The following HSD17B12 variants were observed in gnomAD, a reference collection of about 807,000 sequenced individuals.
The protein encoded by HSD17B12 is hydroxysteroid 17-beta dehydrogenase 12, also known as very-long-chain 3-oxoacyl-CoA reductase.
In HSD17B12, 32 loss-of-function variants were observed where a neutral mutation model predicts 39.3. That is an observed-to-expected ratio of 0.81 (90% CI 0.61 to 1.09). The LOEUF is 1.09. Ranked by LOEUF, HSD17B12 falls within the 50% of genes least tolerant of loss-of-function variation. The pLI is 0.00. For missense variants in HSD17B12, 342 were observed against 382.9 expected, an observed-to-expected ratio of 0.89 and a Z score of 0.89; for synonymous variants, 150 against 146.7, an observed-to-expected ratio of 1.02 and a Z score of -0.16.
chr11:43,650,635 G>C, the HSD17B12 span, among the ~76,000 whole-genome samples: 9 of 152,148 alleles, frequency 5.9e-5, no homozygotes, highest in Non-Finnish European at 1.3e-4. Flanking sequence ...TCTAAAGGAG[G>C]AAATGTGAGG....
At chr11:43,632,400 G>A in the HSD17B12 span, among the ~76,000 whole-genome samples, 3 of 152,162 alleles carry the variant, frequency 2.0e-5, no homozygotes, top group East Asian at 5.8e-4. Context: ...TGCACAGGAT[G>A]GCACAGCATG....
At position 43,855,933 on chromosome 11, in the gene HSD17B12, T is replaced by A. The variant is rs928663030; in HGVS notation, c.*685T>A. The A allele has an allele frequency of 4.0e-5, 4 of 99,436 alleles. No homozygotes were observed. Among genetic ancestry groups the A allele is most frequent in the Non-Finnish European group, 6.2e-5 (3 of 48,314 alleles). The allele number at this position is 99,436 out of a possible 1,614,324, so 6.2% of individuals were successfully genotyped here. On this transcript the variant is annotated 3_prime_UTR_variant, in exon 11 of 11. Coordinates refer to ENST00000278353, the MANE Select transcript of HSD17B12 (RefSeq NM_016142.3). ...AAATATCGAAGCTATATGGTATGAT[T>A]TATAAAGATAAATGGGCCAAAGTGT...
At chr11:43,682,685 T>G (rs907610809) in intron 1 of HSD17B12, among the ~76,000 whole-genome samples, 10 of 152,136 alleles carry the variant, frequency 6.6e-5, no homozygotes, top group Non-Finnish European at 1.0e-4. Flanking sequence ...TACAAAAGAC[T>G]ACAAGATTTT....
chr11:43,568,145 C>T, the HSD17B12 span, among the ~76,000 whole-genome samples: 4 of 151,958 alleles, frequency 2.6e-5, no homozygotes, highest in Admixed American at 1.3e-4. Flanking sequence ...TTGCCCGGGA[C>T]GGAGTGTGCA....
At chr11:43,657,691 G>T in the HSD17B12 span, among the ~76,000 whole-genome samples, 2 of 152,104 alleles carry the variant, frequency 1.3e-5, no homozygotes, top group African/African-American at 2.4e-5. Context: ...GAAATTCTGG[G>T]TTGAAAATTC....
At chr11:43,613,534 G>A in the HSD17B12 span, among the ~76,000 whole-genome samples, 1 of 152,024 alleles carries the variant, frequency 6.6e-6, no homozygotes, top group Non-Finnish European at 1.5e-5. Context: ...GGTAAAAAAT[G>A]TAAGCAGGGA....
At chr11:43,618,912 A>G in the HSD17B12 span, among the ~76,000 whole-genome samples, 4 of 152,046 alleles carry the variant, frequency 2.6e-5, no homozygotes, top group Non-Finnish European at 5.9e-5. Context: ...TGAATGTAAC[A>G]TATTCCACAT....
intron 10 of HSD17B12, 41 bp from the exon 11 acceptor site, chr11:43,855,103 G>A: frequency 1.5e-6 from 2 of 1,353,552 alleles, no homozygotes; most frequent in Non-Finnish European, 1.0e-6. Context: ...AGCCCAAATT[G>A]TAGGCTATAA....
intron 1 of HSD17B12, among the ~76,000 whole-genome samples, chr11:43,688,768 G>A (rs1325731711): frequency 6.6e-6 from 1 of 152,200 alleles, no homozygotes; most frequent in African/African-American, 2.4e-5. Flanking sequence ...CTGTTACTAA[G>A]CTGGTTGACC....
At chr11:43,819,774 T>G (rs957762081) in intron 6 of HSD17B12, among the ~76,000 whole-genome samples, 1 of 152,174 alleles carries the variant, frequency 6.6e-6, no homozygotes, top group Non-Finnish European at 1.5e-5. Context: ...ACTTACAATT[T>G]TTATACATAA....
the HSD17B12 span, among the ~76,000 whole-genome samples, chr11:43,602,489 A>C: frequency 1.3e-5 from 2 of 152,238 alleles, no homozygotes; most frequent in East Asian, 3.9e-4. Context: ...CAATAATTTG[A>C]GTAAGAATGT....
intron 1 of HSD17B12, among the ~76,000 whole-genome samples, chr11:43,721,693 G>A (rs1056257793): frequency 2.0e-5 from 3 of 152,126 alleles, no homozygotes; most frequent in African/African-American, 7.2e-5. Context: ...GGCTTGGGGT[G>A]TTTGAGGAAA....
chr11:43,607,997 C>A, the HSD17B12 span, among the ~76,000 whole-genome samples: 4 of 152,188 alleles, frequency 2.6e-5, no homozygotes, highest in African/African-American at 9.7e-5. Flanking sequence ...TGGACTTTAA[C>A]TGAAGTTCAT....
chr11:43,825,787 A>C (rs549394079), intron 6 of HSD17B12, among the ~76,000 whole-genome samples: 14 of 152,264 alleles, frequency 9.2e-5, no homozygotes, highest in Non-Finnish European at 1.9e-4. Flanking sequence ...GCCAAACGGC[A>C]TGATAACCAC....
Position 43,680,935 on chromosome 11 carries a change from C to G in HSD17B12, c.108C>G (p.Val36=), listed in dbSNP as rs761067153. 8.7e-6 allele frequency: 14 copies of G among 1,612,562 alleles called. No homozygotes were observed. The African/African-American group carries it at 1.7e-4, about 20-fold the overall frequency. Residue 36 remains valine, a synonymous_variant, in exon 1 of 11, where the codon GTC becomes GTG. Transcript: ENST00000278353. The part of the protein sequence containing the change: ...ISYSLFTALR[V]WGVGNEAGVG... ...ACTCGCTCTTCACGGCCCTCCGGGT[C>G]TGGGGAGTGGGGAATGAGGCGGGGG...
At chr11:43,611,821 C>A in the HSD17B12 span, among the ~76,000 whole-genome samples, 1 of 152,198 alleles carries the variant, frequency 6.6e-6, no homozygotes, top group South Asian at 2.1e-4. Context: ...AACAACCATG[C>A]AAATTTTCAC....
chr11:43,742,825 G>C (rs962761502), intron 1 of HSD17B12, among the ~76,000 whole-genome samples: 3 of 151,540 alleles, frequency 2.0e-5, no homozygotes, highest in Non-Finnish European at 1.5e-5. Flanking sequence ...ATATTTACTT[G>C]TGAGGTAATA....
the HSD17B12 span, among the ~76,000 whole-genome samples, chr11:43,596,663 C>T: frequency 6.6e-6 from 1 of 152,176 alleles, no homozygotes; most frequent in Non-Finnish European, 1.5e-5. Context: ...GTCTCAAACT[C>T]CTGAACTCAA....
At chr11:43,629,736 C>A in the HSD17B12 span, among the ~76,000 whole-genome samples, 2 of 152,148 alleles carry the variant, frequency 1.3e-5, no homozygotes, top group African/African-American at 4.8e-5. Flanking sequence ...AAAAAGCCCA[C>A]CGGGTTGGAC....
Sources: allele counts gnomAD v4.1 joint callset (sites outside exome capture counted in the v4.1 genomes callset), GRCh38; gene constraint gnomAD v4.1.1; transcripts MANE v1.5; gene names NCBI Gene and HGNC (gene_info 2026-07-23, HGNC 2026-07-21).